AIG1: variants seen among roughly 807,000 people sequenced by gnomAD.
AIG1 encodes the protein androgen induced 1.
A neutral mutation model predicts 31.4 loss-of-function variants in AIG1; 23 were observed. The observed-to-expected ratio is 0.73, with a 90% CI of 0.53 to 1.04. The LOEUF (loss-of-function observed/expected upper bound fraction) is 1.04. Ranked by LOEUF, AIG1 falls within the 50% of genes least tolerant of loss-of-function variation. The pLI is 0.00. For missense variants in AIG1, 274 were observed against 295.0 expected (o/e 0.93, Z 0.52); for synonymous variants, 100 against 110.5 (o/e 0.90, Z 0.60).
chr6:143,322,503 A>T (rs1434087332), intron 4 of AIG1, among the ~76,000 whole-genome samples: 2 of 152,182 alleles, frequency 1.3e-5, no homozygotes, highest in Non-Finnish European at 2.9e-5. Context: ...AATGTTTGGC[A>T]TCTATGTGCC....
chr6:143,248,952 G>A (rs570545793), intron 3 of AIG1, among the ~76,000 whole-genome samples: 38 of 152,284 alleles, frequency 2.5e-4, no homozygotes, highest in African/African-American at 8.4e-4. Context: ...TCGTGGGCAG[G>A]TTCATTCTTT....
chr6:143,269,624 G>A (rs554648220), intron 3 of AIG1, among the ~76,000 whole-genome samples: 1 of 152,168 alleles, frequency 6.6e-6, no homozygotes, highest in Non-Finnish European at 1.5e-5. Flanking sequence ...TCACACAATG[G>A]AGTACTATGC....
At chr6:143,158,636 A>T (rs1438027677) in intron 2 of AIG1, among the ~76,000 whole-genome samples, 1 of 152,164 alleles carries the variant, frequency 6.6e-6, no homozygotes, top group Non-Finnish European at 1.5e-5. Flanking sequence ...AGGATGATAG[A>T]AGACTTAAGC....
rs190463633 is a variant in AIG1, at chr6:143,129,514, G to A, written c.142-7321G>A. Among the ~76,000 whole-genome samples the A allele has an allele frequency of 3.2e-3, 488 of 152,182 alleles. 1 individual carries two copies. The highest frequency in any genetic ancestry group is 0.011 in the African/African-American group (474 of 41,512). The stretch of plus-strand genomic sequence containing the variant: ...GTTAGATGACACCATTGGGTAAGAA[G>A]ATGAATCAACTGTAGAAAAGTATAA... On this transcript the variant is annotated intron_variant, in intron 1 of 5. Coordinates refer to ENST00000357847, the MANE Select transcript of AIG1 (RefSeq NM_016108.4).
intron 3 of AIG1, among the ~76,000 whole-genome samples, chr6:143,178,418 C>T (rs969433137): frequency 3.9e-5 from 6 of 152,166 alleles, no homozygotes; most frequent in African/African-American, 1.4e-4. Context: ...TGGAACAATG[C>T]AATCACATGG....
chr6:143,194,671 T>G (rs995167192), intron 3 of AIG1, among the ~76,000 whole-genome samples: 4 of 152,238 alleles, frequency 2.6e-5, no homozygotes, highest in Non-Finnish European at 4.4e-5. Context: ...GGCTTGTGTT[T>G]TTGGGAGTCC....
intron 1 of AIG1, among the ~76,000 whole-genome samples, chr6:143,118,798 C>A (rs1326027574): frequency 2.6e-5 from 4 of 151,836 alleles, no homozygotes. Flanking sequence ...GCTTGAGTGA[C>A]CTAAATAAAA....
intron 3 of AIG1, among the ~76,000 whole-genome samples, chr6:143,208,214 G>T (rs1003401844): frequency 6.6e-6 from 1 of 152,082 alleles, no homozygotes; most frequent in Non-Finnish European, 1.5e-5. Flanking sequence ...CTATTGCACG[G>T]GTAAAAGGTA....
Position 143,187,791 on chromosome 6 carries a change from A to G in AIG1, c.399+22608A>G, listed in dbSNP as rs1789406004. ...GAAGGACATTTGGAAATGACCTTGA[A>G]GCGAAGTTTTGCCAAGTTGATGAAA... On this transcript the variant is annotated intron_variant, in intron 3 of 5. Coordinates refer to ENST00000357847, the MANE Select transcript of AIG1 (RefSeq NM_016108.4). 4 of 1,504,522 alleles carry G rather than the reference A, an allele frequency of 2.7e-6. No homozygotes were observed. In the East Asian group the frequency reaches 9.9e-5, roughly 37 times the overall value. 93.2% of individuals were successfully genotyped at this position (1,504,522 alleles called of 1,614,324 possible). A position where few individuals can be genotyped will look rare whatever the true frequency, so the allele number is the denominator to read the frequency against.
chr6:143,251,283 C>G (rs1259480346), intron 3 of AIG1, among the ~76,000 whole-genome samples: 1 of 152,068 alleles, frequency 6.6e-6, no homozygotes, highest in Non-Finnish European at 1.5e-5. Context: ...AACTCCCGGC[C>G]TCAGGTGGTC....
intron 3 of AIG1, among the ~76,000 whole-genome samples, chr6:143,168,117 A>T (rs1787136309): frequency 6.6e-6 from 1 of 152,064 alleles, no homozygotes; most frequent in Non-Finnish European, 1.5e-5. Context: ...ATAAATGAGC[A>T]TTTTCTTGTT....
In AIG1 at chr6:143,131,521, A is replaced by C. The variant is rs189401812; in HGVS notation, c.142-5314A>C. On this transcript the variant is annotated intron_variant, in intron 1 of 5. Transcript: ENST00000357847. ...ATGAGAGATGAGGAAAGCAGAAAGG[A>C]AAGTCAGAGATCTGAAGCATAAGAA... 9.5e-4 allele frequency among the ~76,000 whole-genome samples: 145 copies of C among 152,356 alleles called. 2 individuals are homozygous for C. The highest frequency in any genetic ancestry group is 3.3e-3 in the African/African-American group (139 of 41,578).
chr6:143,122,401 T>C (rs945413538), intron 1 of AIG1, among the ~76,000 whole-genome samples: 6 of 151,954 alleles, frequency 3.9e-5, no homozygotes, highest in African/African-American at 1.5e-4. Context: ...TTTGTAAGAA[T>C]AGAAAGGTAA....
chr6:143,305,250 A>G (rs1562575505), intron 4 of AIG1, among the ~76,000 whole-genome samples: 2 of 151,354 alleles, frequency 1.3e-5, no homozygotes, highest in African/African-American at 4.8e-5. Context: ...GATTTTAGTT[A>G]TCTTGCCTTC....
At chr6:143,294,405 G>C (rs1293362628) in intron 4 of AIG1, among the ~76,000 whole-genome samples, 1 of 152,218 alleles carries the variant, frequency 6.6e-6, no homozygotes, top group Non-Finnish European at 1.5e-5. Flanking sequence ...GGTTGAGATA[G>C]TGGATTCATG....
At position 143,297,517 on chromosome 6, in the gene AIG1, G is replaced by A. The variant is rs1798514253; in HGVS notation, c.515+13292G>A. ...GGGTGGTTGGATGGATGGTTGGGTG[G>A]TTGGATGGATGGTTGGGTGGTTGGA... On this transcript the variant is annotated intron_variant, in intron 4 of 5. Transcript: ENST00000357847. This position sits in a 1 kb window ranked among gnomAD's most constrained non-coding sequence, Gnocchi z 5.1. Among the ~76,000 whole-genome samples the A allele has an allele frequency of 6.6e-6, 1 of 151,530 alleles. No homozygotes were observed. The highest frequency in any genetic ancestry group is 1.5e-5 in the Non-Finnish European group (1 of 67,846).
At chr6:143,232,471 G>C (rs1376718216) in intron 3 of AIG1, among the ~76,000 whole-genome samples, 1 of 152,154 alleles carries the variant, frequency 6.6e-6, no homozygotes, top group Admixed American at 6.5e-5. Context: ...ATGTGTGCAG[G>C]CCAGCTGTCC....
chr6:143,283,346 G>C (rs1398465803), intron 3 of AIG1, among the ~76,000 whole-genome samples: 1 of 152,146 alleles, frequency 6.6e-6, no homozygotes, highest in East Asian at 1.9e-4. Context: ...ATGCACTACT[G>C]GTCCAAACTG....
chr6:143,242,907 G>T lies in AIG1; in HGVS notation c.400-41203G>T, dbSNP rs540427952. Among the ~76,000 whole-genome samples, 8 of 152,262 alleles carry T rather than the reference G, an allele frequency of 5.3e-5. No individual in the cohort carries two copies. The East Asian group carries it at 1.4e-3, about 26-fold the overall frequency. On this transcript the variant is annotated intron_variant, in intron 3 of 5. Coordinates refer to ENST00000357847, the MANE Select transcript of AIG1 (RefSeq NM_016108.4). ...AGCCCTTGCTGGTCCTGGGGTATTT[G>T]TCTCTCTTATCCCAGGTTGCGTGTG...
Sources: allele counts gnomAD v4.1 joint callset (sites outside exome capture counted in the v4.1 genomes callset), GRCh38; gene constraint gnomAD v4.1.1; non-coding constraint Gnocchi (gnomAD v3.1); transcripts MANE v1.5; gene names NCBI Gene and HGNC (gene_info 2026-07-23, HGNC 2026-07-21).